ATP6V1H: variants seen among roughly 807,000 people sequenced by gnomAD.
The protein encoded by ATP6V1H is ATPase H+ transporting V1 subunit H, also known as V-type proton ATPase subunit H.
ATP6V1H carries 39 observed loss-of-function variants against 71.7 expected under a neutral mutation model. The observed-to-expected ratio is 0.54, with a 90% confidence interval of 0.42 to 0.71. ATP6V1H has a LOEUF of 0.71. Among genes scored for constraint, ATP6V1H ranks in the 30% least tolerant of loss-of-function variants. The pLI, the probability that ATP6V1H is intolerant of heterozygous loss-of-function variation, is 0.00. For missense variants in ATP6V1H, 509 were observed against 594.9 expected (o/e 0.86, Z 1.50); for synonymous variants, 192 against 199.3 (o/e 0.96, Z 0.31).
intron 3 of ATP6V1H, chr8:53,832,746 A>C: frequency 3.1e-6 from 1 of 326,626 alleles, no homozygotes; most frequent in Non-Finnish European, 5.5e-6. Flanking sequence ...AGAAAAGTTA[A>C]GCAACTTTTA....
At chr8:53,790,835 T>C (rs554072791) in intron 9 of ATP6V1H, among the ~76,000 whole-genome samples, 1 of 152,366 alleles carries the variant, frequency 6.6e-6, no homozygotes, top group South Asian at 2.1e-4. Flanking sequence ...GAACAGAGAT[T>C]ATAAACTGCA....
At chr8:53,750,748 T>G (rs1014871257) in intron 12 of ATP6V1H, among the ~76,000 whole-genome samples, 4 of 146,056 alleles carry the variant, frequency 2.7e-5, no homozygotes, top group African/African-American at 1.0e-4. Flanking sequence ...AACAAAAAAG[T>G]CCACCGAGAA....
At chr8:53,784,944 G>A (rs1385045966) in intron 9 of ATP6V1H, among the ~76,000 whole-genome samples, 81 of 152,238 alleles carry the variant, frequency 5.3e-4, no homozygotes, top group Non-Finnish European at 9.3e-4. Flanking sequence ...TGGGTAACCC[G>A]ACCTTTCTCT....
At chr8:53,824,246 A>G (rs1810755951) in intron 4 of ATP6V1H, among the ~76,000 whole-genome samples, 1 of 152,184 alleles carries the variant, frequency 6.6e-6, no homozygotes, top group Admixed American at 6.5e-5. Context: ...TAATTACCCC[A>G]CCAAAAACAA....
chr8:53,745,825 C>T (rs1311925705), intron 12 of ATP6V1H, among the ~76,000 whole-genome samples: 1 of 152,220 alleles, frequency 6.6e-6, no homozygotes, highest in Non-Finnish European at 1.5e-5. Context: ...CTGCCTTGTT[C>T]CCCCACAGCT....
At chr8:53,823,521 A>T (rs1810727367) in intron 4 of ATP6V1H, among the ~76,000 whole-genome samples, 1 of 152,246 alleles carries the variant, frequency 6.6e-6, no homozygotes, top group Admixed American at 6.5e-5. Flanking sequence ...CTTTCTGCCC[A>T]GGCTGCAGTG....
At chr8:53,765,454 AACACACAC>A (rs59822523) in intron 11 of ATP6V1H, among the ~76,000 whole-genome samples, 8,973 of 73,970 alleles carry the variant, frequency 0.12, 748 homozygotes, top group South Asian at 0.25. Flanking sequence ...CAACAACAAC[AACACACAC>A]ACACACACAC....
At chr8:53,839,819 A>G in intron 2 of ATP6V1H, 1 of 985,404 alleles carries the variant, frequency 1.0e-6, no homozygotes, top group Non-Finnish European at 1.2e-6. Context: ...ACTTCATATC[A>G]ATCATGGGCT....
intron 6 of ATP6V1H, among the ~76,000 whole-genome samples, chr8:53,812,574 T>C (rs771352598): frequency 3.9e-5 from 6 of 152,218 alleles, no homozygotes; most frequent in South Asian, 2.1e-4. Context: ...AAAAAGCTAG[T>C]AGCACGCCAC....
chr8:53,721,566 A>G (rs142336717), intron 13 of ATP6V1H, among the ~76,000 whole-genome samples: 2 of 152,306 alleles, frequency 1.3e-5, no homozygotes, highest in East Asian at 1.9e-4. Context: ...GATGAGCCCA[A>G]TTTATAGATA....
At chr8:53,773,612 A>G (rs1808755017) in intron 9 of ATP6V1H, among the ~76,000 whole-genome samples, 2 of 152,214 alleles carry the variant, frequency 1.3e-5, no homozygotes. Flanking sequence ...GGGAACCAGA[A>G]AAGTGAAGCT....
At chr8:53,741,682 A>G (rs1209717436) in intron 13 of ATP6V1H, among the ~76,000 whole-genome samples, 2 of 152,200 alleles carry the variant, frequency 1.3e-5, no homozygotes, top group Non-Finnish European at 2.9e-5. Flanking sequence ...GATGTATCCT[A>G]TGTTTTACTG....
intron 13 of ATP6V1H, among the ~76,000 whole-genome samples, chr8:53,717,201 G>A (rs527955421): frequency 2.1e-4 from 32 of 152,294 alleles, no homozygotes; most frequent in African/African-American, 7.7e-4. Flanking sequence ...CATTTCACCT[G>A]AGCTGCTCTC....
chr8:53,730,021 A>G (rs1158187396), intron 13 of ATP6V1H, among the ~76,000 whole-genome samples: 1 of 152,228 alleles, frequency 6.6e-6, no homozygotes, highest in Non-Finnish European at 1.5e-5. Context: ...GACACAGCTC[A>G]GCCTATGCCT....
At position 53,775,029 on chromosome 8, in the gene ATP6V1H, G is replaced by GGTGA. The variant is rs549235413; in HGVS notation, c.871-2863_871-2862insTCAC. 2.2e-3 allele frequency among the ~76,000 whole-genome samples: 338 copies of GGTGA among 152,358 alleles called. 2 individuals are homozygous for GGTGA. The highest frequency in any genetic ancestry group is 7.9e-3 in the African/African-American group (327 of 41,588). On this transcript the variant is annotated intron_variant, in intron 9 of 13. Transcript: ENST00000359530. ...CAAGAATGAAGCCGCGGACCCTCGC[G>GGTGA]GTGTTACAGTTCTTGAAGGCGGCGT...
At chr8:53,794,687 T>C (rs1809674303) in intron 9 of ATP6V1H, among the ~76,000 whole-genome samples, 1 of 152,154 alleles carries the variant, frequency 6.6e-6, no homozygotes, top group South Asian at 2.1e-4. Context: ...TTTTTACTTG[T>C]TTTTTAAAGA....
intron 11 of ATP6V1H, among the ~76,000 whole-genome samples, chr8:53,760,537 C>T (rs570560737): frequency 6.6e-6 from 1 of 152,312 alleles, no homozygotes; most frequent in Non-Finnish European, 1.5e-5. Context: ...TATTCCTGTT[C>T]TAAAACTTTT....
In ATP6V1H at chr8:53,813,953, G is replaced by C. The variant is rs893293010; in HGVS notation, c.525+709C>G. The stretch of plus-strand genomic sequence containing the variant: ...CTCCAGGCTCACCCCTTTCGCAGCT[G>C]GACCAGGTAGCTCCAGGCTCACCCA... On this transcript the variant is annotated intron_variant, in intron 6 of 13. Transcript: ENST00000359530. Among the ~76,000 whole-genome samples, 11 of 152,248 alleles carry C rather than the reference G, an allele frequency of 7.2e-5. No homozygotes were observed. In the South Asian group the frequency reaches 1.0e-3, roughly 14 times the overall value.
At position 53,721,308 on chromosome 8, in the gene ATP6V1H, G is replaced by A. The variant is rs528503524; in HGVS notation, c.1392-5284C>T. ...CAAATTTTGTTTTTCCTACATAACAGCTGAACCATATAAAAACCACAGTGC... is the reference window on the plus strand; with the variant it reads ...CAAATTTTGTTTTTCCTACATAACAACTGAACCATATAAAAACCACAGTGC... On this transcript the variant is annotated intron_variant, in intron 13 of 13. Coordinates refer to ENST00000359530, the MANE Select transcript of ATP6V1H (RefSeq NM_015941.4). Among the ~76,000 whole-genome samples the A allele has an allele frequency of 2.3e-3, 347 of 152,050 alleles. 2 individuals carry two copies. Among genetic ancestry groups the A allele is most frequent in the African/African-American group, 8.1e-3 (336 of 41,462 alleles).
Sources: gnomAD v4.1 joint callset for allele counts (sites outside exome capture counted in the v4.1 genomes callset) on GRCh38, gnomAD v4.1.1 for gene constraint, MANE v1.5 for transcripts, NCBI Gene and HGNC (gene_info 2026-07-23, HGNC 2026-07-21) for gene names.